The following TSPAN32 variants were observed in gnomAD, a reference collection of about 807,000 sequenced individuals.
TSPAN32 encodes tetraspanin-32.
In TSPAN32, 47 loss-of-function variants were observed where a neutral mutation model predicts 42.7. That is an observed-to-expected ratio of 1.10 (90% CI 0.87 to 1.40). The LOEUF (loss-of-function observed/expected upper bound fraction) is 1.40, where lower values mean the gene tolerates loss of function less well. TSPAN32 is among the 40% of genes most tolerant of loss of function. The pLI, the probability that TSPAN32 is intolerant of heterozygous loss-of-function variation, is 0.00. For missense variants in TSPAN32, 469 were observed against 424.1 expected (o/e 1.11, Z -0.93); for synonymous variants, 175 against 175.9 (o/e 0.99, Z 0.04).
At chr11:2,302,319 C>T in intron 1 of TSPAN32, 104 bp downstream of exon 1, 2 of 1,209,672 alleles carry the variant, frequency 1.7e-6, no homozygotes, top group Non-Finnish European at 2.2e-6. Context: ...ACACACACAC[C>T]AGCCCTACTG....
chr11:2,314,638 C>T (rs1848672858), intron 6 of TSPAN32, 67 bp downstream of exon 6: 3 of 1,351,374 alleles, frequency 2.2e-6, no homozygotes, highest in Non-Finnish European at 3.1e-6. Flanking sequence ...GGGCCCAACC[C>T]CAAGACCCAG....
intron 6 of TSPAN32, 43 bp from the exon 7 acceptor site, chr11:2,316,186 A>G: frequency 6.6e-7 from 1 of 1,513,592 alleles, no homozygotes; most frequent in Non-Finnish European, 8.9e-7. Context: ...CCAGGCAGGG[A>G]GGGCCGCTCA....
chr11:2,314,441 G>A, intron 5 of TSPAN32, 44 bp from the exon 6 acceptor site: 1 of 1,523,026 alleles, frequency 6.6e-7, no homozygotes, highest in East Asian at 2.3e-5. Flanking sequence ...CGCCTCCTGG[G>A]GTCTCGGGAG....
chr11:2,317,898 T>A lies in TSPAN32; in HGVS notation c.937T>A (p.Cys313Ser). Residue 313 changes from cysteine (C) to serine (S), a missense_variant, in exon 10 of 10, where the codon TGC becomes AGC. Physicochemically the swap from Cys to Ser is moderately radical, Grantham distance 112. Coordinates refer to ENST00000182290, the MANE Select transcript of TSPAN32 (RefSeq NM_139022.3). This position sits in a 1 kb window ranked among gnomAD's most constrained non-coding sequence, Gnocchi z 6.2. ...CAGAAGTCGCGGTGGGCTCAGTGGG[T>A]GCCCTGAGCGGGGTCTCTCAGACTG... is the stretch of plus-strand genomic sequence containing the variant. ...QGRSRGGLSG[C>S]PERGLSD The A allele has an allele frequency of 7.5e-7, 1 of 1,341,490 alleles. No homozygotes were observed. The highest frequency in any genetic ancestry group is 1.1e-6 in the Non-Finnish European group (1 of 931,452). 83.1% of individuals were successfully genotyped at this position (1,341,490 alleles called of 1,614,324 possible). A position where few individuals can be genotyped will look rare whatever the true frequency, so the allele number is the denominator to read the frequency against.
chr11:2,303,048 A>C, intron 2 of TSPAN32, 90 bp downstream of exon 2: 1 of 1,222,936 alleles, frequency 8.2e-7, no homozygotes, highest in Non-Finnish European at 1.2e-6. Flanking sequence ...CACAGCCAGA[A>C]TGGTGCCAGG....
In TSPAN32 at chr11:2,316,567, C is replaced by T. The variant is rs1446032215; in HGVS notation, c.628-9C>T. ...GGCAGTGGGGCAGCCGCGGGTGTCTCCCTCCCAGGTGTCCGCCTTGCTCTT... is the reference window on the plus strand; with the variant it reads ...GGCAGTGGGGCAGCCGCGGGTGTCTTCCTCCCAGGTGTCCGCCTTGCTCTT... On this transcript the variant is annotated splice_polypyrimidine_tract_variant and intron_variant, in intron 7 of 9. Transcript: ENST00000182290. The T allele has an allele frequency of 5.6e-6, 9 of 1,597,228 alleles. No individual in the cohort carries two copies. The highest frequency in any genetic ancestry group is 7.7e-6 in the Non-Finnish European group (9 of 1,169,868).
chr11:2,302,078 C>A lies in TSPAN32; in HGVS notation c.-72C>A, dbSNP rs1452077256. 3.4e-5 allele frequency: 50 copies of A among 1,488,678 alleles called. No individual in the cohort carries two copies. The highest frequency in any genetic ancestry group is 4.2e-5 in the Non-Finnish European group (47 of 1,122,074). 92.2% of individuals were successfully genotyped at this position (1,488,678 alleles called of 1,614,324 possible). A position where few individuals can be genotyped will look rare whatever the true frequency, so the allele number is the denominator to read the frequency against. ...TACCTCCTGGGCAGTGAGCTGCGGTCTGAGGCCCCTGCCCAGCTGGAAACC... is the reference window on the plus strand; with the variant it reads ...TACCTCCTGGGCAGTGAGCTGCGGTATGAGGCCCCTGCCCAGCTGGAAACC... On this transcript the variant is annotated 5_prime_UTR_variant, in exon 1 of 10. In the 5' UTR this introduces an upstream ATG that the reference lacks. Coordinates refer to ENST00000182290, the MANE Select transcript of TSPAN32 (RefSeq NM_139022.3).
At chr11:2,303,286 G>A (rs975314190) in intron 2 of TSPAN32, 12 of 248,544 alleles carry the variant, frequency 4.8e-5, no homozygotes, top group African/African-American at 1.1e-4. Context: ...AGGCAGGCCT[G>A]GGACTGGCCT....
Position 2,316,585 on chromosome 11 carries a change from T to G in TSPAN32, c.637T>G (p.Leu213Val). The change falls in exon 8 of 10, where the codon TTG (leucine) becomes GTG (valine). Residue 213 changes from leucine to valine, a missense_variant. Transcript: ENST00000182290. ...GGTGTCTCCCTCCCAGGTGTCCGCC[T>G]TGCTCTTCAGCTCCTTCCTGTGGTT... Reference protein sequence around the residue: ...SIGLALTVSALLFSSFLWFAI... With the variant: ...SIGLALTVSAVLFSSFLWFAI... 1 of 1,584,170 alleles carries G rather than the reference T, an allele frequency of 6.3e-7. No individual in the cohort carries two copies. The highest frequency in any genetic ancestry group is 8.6e-7 in the Non-Finnish European group (1 of 1,163,302).
chr11:2,307,727 G>A (rs1035945788), intron 3 of TSPAN32, among the ~76,000 whole-genome samples: 1 of 152,260 alleles, frequency 6.6e-6, no homozygotes, highest in African/African-American at 2.4e-5. Context: ...CCGGGGGCGG[G>A]TGCGCAGACG....
intron 3 of TSPAN32, among the ~76,000 whole-genome samples, chr11:2,307,288 G>A (rs2133311722): frequency 6.6e-6 from 1 of 152,198 alleles, no homozygotes; most frequent in South Asian, 2.1e-4. Flanking sequence ...CAGCATGTGT[G>A]GGTCTCCGTC....
chr11:2,308,690 C>G (rs778862755), intron 3 of TSPAN32, 46 bp from the exon 4 acceptor site: 10 of 1,001,764 alleles, frequency 1.0e-5, no homozygotes, highest in African/African-American at 1.7e-5. Context: ...ACCAGCCCCC[C>G]GCAGTGACCA....
At chr11:2,309,735 C>G (rs1848353998) in intron 4 of TSPAN32, among the ~76,000 whole-genome samples, 1 of 152,196 alleles carries the variant, frequency 6.6e-6, no homozygotes, top group South Asian at 2.1e-4. Flanking sequence ...TGGCTGAGCT[C>G]TGCAGGGGGC....
chr11:2,312,872 A>G (rs1477132872), intron 4 of TSPAN32, among the ~76,000 whole-genome samples: 1 of 152,156 alleles, frequency 6.6e-6, no homozygotes, highest in Non-Finnish European at 1.5e-5. Flanking sequence ...GACCTCAAAG[A>G]GGGCCTCGCC....
chr11:2,316,364 G>A (rs767656564), intron 7 of TSPAN32, 52 bp downstream of exon 7: 2 of 1,557,318 alleles, frequency 1.3e-6, no homozygotes, highest in Non-Finnish European at 1.7e-6. Flanking sequence ...CCCTCAGCCT[G>A]CCCAGCCCCC....
At chr11:2,311,633 G>T (rs760570565) in intron 4 of TSPAN32, among the ~76,000 whole-genome samples, 3 of 152,162 alleles carry the variant, frequency 2.0e-5, no homozygotes, top group Non-Finnish European at 4.4e-5. Flanking sequence ...CCCACCTGCC[G>T]TTCAGGACCT....
intron 3 of TSPAN32, among the ~76,000 whole-genome samples, chr11:2,308,254 G>A (rs569106290): frequency 6.6e-6 from 1 of 152,188 alleles, no homozygotes; most frequent in South Asian, 2.1e-4. Context: ...CTCTCCCCAG[G>A]CCAAGTCTCC....
rs751283380 is a variant in TSPAN32 at position 2,316,521 on chromosome 11, G to C, written c.628-55G>C. 3 of 1,609,776 alleles carry C rather than the reference G, an allele frequency of 1.9e-6. No individual in the cohort carries two copies. In the South Asian group the frequency reaches 3.3e-5, roughly 18 times the overall value. On this transcript the variant is annotated intron_variant, in intron 7 of 9. Transcript: ENST00000182290. ...ACTGCAGAGTCCTGATGCTTCCTGG[G>C]GAGGGGCGCCCGCACCCTGGGGCAG...
intron 3 of TSPAN32, among the ~76,000 whole-genome samples, chr11:2,305,706 G>A (rs1261083220): frequency 6.6e-6 from 1 of 152,222 alleles, no homozygotes; most frequent in African/African-American, 2.4e-5. Context: ...CAGCCCCAAG[G>A]CCAGGGTGAC....
Sources: allele counts gnomAD v4.1 joint callset (sites outside exome capture counted in the v4.1 genomes callset), GRCh38; gene constraint gnomAD v4.1.1; non-coding constraint Gnocchi (gnomAD v3.1); transcripts MANE v1.5; gene names NCBI Gene and HGNC (gene_info 2026-07-23, HGNC 2026-07-21).